The following SPAG9 variants were observed in gnomAD, a reference collection of about 807,000 sequenced individuals.
SPAG9 encodes the protein sperm associated antigen 9.
SPAG9 carries 35 observed loss-of-function variants against 166.5 expected under a neutral mutation model. The ratio of observed to expected loss-of-function variants is 0.21; its 90% CI spans 0.16 to 0.28. The LOEUF is 0.28. Ranked by LOEUF, SPAG9 falls within the 10% of genes least tolerant of loss-of-function variation. The pLI is 1.00. For missense variants in SPAG9, 1,235 were observed against 1,603.3 expected, an observed-to-expected ratio of 0.77 and a Z score of 3.92; for synonymous variants, 534 against 565.5, an observed-to-expected ratio of 0.94 and a Z score of 0.79.
At chr17:51,076,314 T>G (rs1215605941) in intron 2 of SPAG9, among the ~76,000 whole-genome samples, 42 of 151,854 alleles carry the variant, frequency 2.8e-4, no homozygotes, top group Admixed American at 2.8e-3. Flanking sequence ...TCTCAGTTAC[T>G]CAGGAGGCTG....
chr17:51,003,499 C>G (rs1039516425), intron 12 of SPAG9, among the ~76,000 whole-genome samples: 1 of 152,088 alleles, frequency 6.6e-6, no homozygotes, highest in Admixed American at 6.6e-5. Flanking sequence ...TACCTAGTTA[C>G]CAAGGTACTC....
At chr17:50,982,454 T>G in intron 25 of SPAG9, 70 bp downstream of exon 25, 1 of 1,374,610 alleles carries the variant, frequency 7.3e-7, no homozygotes. Flanking sequence ...AAGCTGAAAA[T>G]AATTATAGTC....
At chr17:51,073,253 A>T (rs987968189) in intron 2 of SPAG9, among the ~76,000 whole-genome samples, 43 of 151,652 alleles carry the variant, frequency 2.8e-4, no homozygotes, top group Admixed American at 1.8e-3. Context: ...GCGTGAACCC[A>T]GGAGGCGGAG....
chr17:51,030,806 G>C (rs991432932), intron 6 of SPAG9: 1 of 152,130 alleles, frequency 6.6e-6, no homozygotes, highest in African/African-American at 2.4e-5. Context: ...GTTGATGCTA[G>C]AGGGCTTCCA....
In SPAG9 at chr17:50,974,826, T is replaced by C; in HGVS notation, c.3645A>G (p.Ala1215=). Residue 1215 remains alanine, a synonymous_variant, in exon 28 of 30, where the codon GCA becomes GCG. Transcript: ENST00000262013. ...TFIPYCSMAH[A]QLCFHGHRDA... ...CCCGGTGCCCATGGAAGCAAAGCTG[T>C]GCATGTGCCATTGAACAATAGGGTA... is the stretch of plus-strand genomic sequence containing the variant. 6.2e-7 allele frequency: 1 copy of C among 1,612,120 alleles called. No individual in the cohort carries two copies.
At chr17:51,095,521 C>T (rs796913930) in intron 1 of SPAG9, among the ~76,000 whole-genome samples, 18 of 148,760 alleles carry the variant, frequency 1.2e-4, no homozygotes, top group East Asian at 4.1e-4. Flanking sequence ...CATGGTGGTG[C>T]GCACCTGTAG....
At chr17:50,987,519 CAAAA>C (rs201762375) in intron 21 of SPAG9, among the ~76,000 whole-genome samples, 1 of 119,692 alleles carries the variant, frequency 8.4e-6, no homozygotes, top group African/African-American at 3.1e-5. Flanking sequence ...AACTTTTAGT[CAAAA>C]AAAAAAAAAG....
chr17:51,019,828 G>C (rs2045866743), intron 8 of SPAG9, among the ~76,000 whole-genome samples: 1 of 152,074 alleles, frequency 6.6e-6, no homozygotes, highest in South Asian at 2.1e-4. Flanking sequence ...CTCCAGCCTG[G>C]GCAACAAGAG....
At chr17:51,061,858 C>T (rs914685630) in intron 2 of SPAG9, among the ~76,000 whole-genome samples, 1 of 152,066 alleles carries the variant, frequency 6.6e-6, no homozygotes, top group African/African-American at 2.4e-5. Context: ...ATCAGGGTTA[C>T]TTTTTGCTAA....
chr17:51,111,419 T>C (rs1319829482), intron 1 of SPAG9, among the ~76,000 whole-genome samples: 2 of 152,086 alleles, frequency 1.3e-5, no homozygotes, highest in East Asian at 3.9e-4. Flanking sequence ...GTAAGCAGCA[T>C]GTAGTTAAAG....
intron 21 of SPAG9, 166 bp downstream of exon 21, chr17:50,989,511 G>A (rs1446639744): frequency 1.5e-5 from 10 of 689,090 alleles, no homozygotes; most frequent in East Asian, 1.1e-4. Flanking sequence ...AATATCCAGC[G>A]AGAATGATGG....
At chr17:50,995,271 C>T (rs1399614594) in intron 17 of SPAG9, 47 bp from the exon 18 acceptor site, 2 of 1,555,128 alleles carry the variant, frequency 1.3e-6, no homozygotes, top group Admixed American at 1.9e-5. Flanking sequence ...AAATGTTTAG[C>T]ATTTTCATGT....
At chr17:51,044,439 T>TA (rs746751520) in intron 4 of SPAG9, among the ~76,000 whole-genome samples, 1 of 152,228 alleles carries the variant, frequency 6.6e-6, no homozygotes, top group Non-Finnish European at 1.5e-5. Context: ...CCTACTTCCA[T>TA]ATATCCATTT....
intron 6 of SPAG9, among the ~76,000 whole-genome samples, chr17:51,029,640 G>A (rs190695754): frequency 1.7e-3 from 259 of 152,318 alleles, no homozygotes; most frequent in Non-Finnish European, 2.7e-3. Flanking sequence ...AGGACATTAT[G>A]CTAAATGAAA....
chr17:51,076,982 T>TTATCTAGCTAGCTATC (rs2047988405), intron 2 of SPAG9, among the ~76,000 whole-genome samples: 2 of 99,412 alleles, frequency 2.0e-5, no homozygotes, highest in Admixed American at 1.1e-4. Flanking sequence ...TCTATCTATC[T>TTATCTAGCTAGCTATC]TATCTAGCTA....
chr17:51,071,345 C>T (rs2047814973), intron 2 of SPAG9, among the ~76,000 whole-genome samples: 1 of 152,174 alleles, frequency 6.6e-6, no homozygotes, highest in African/African-American at 2.4e-5. Flanking sequence ...ACACTCCTTA[C>T]ACACTTGAAA....
chr17:51,051,115 G>C (rs966640004), intron 3 of SPAG9, among the ~76,000 whole-genome samples: 3 of 151,890 alleles, frequency 2.0e-5, no homozygotes, highest in Non-Finnish European at 4.4e-5. Flanking sequence ...GGTGTAGTGT[G>C]TTTTTTTGTT....
intron 9 of SPAG9, among the ~76,000 whole-genome samples, chr17:51,010,829 C>G (rs576626745): frequency 6.6e-6 from 1 of 151,830 alleles, no homozygotes; most frequent in Non-Finnish European, 1.5e-5. Flanking sequence ...GTCTAGCATG[C>G]AATTAGGAAA....
intron 1 of SPAG9, among the ~76,000 whole-genome samples, chr17:51,090,096 C>T (rs541866548): frequency 1.3e-5 from 2 of 152,158 alleles, no homozygotes; most frequent in East Asian, 1.9e-4. Flanking sequence ...CACATGCAAA[C>T]GTCTAAAGAT....
Sources: allele counts gnomAD v4.1 joint callset (sites outside exome capture counted in the v4.1 genomes callset), GRCh38; gene constraint gnomAD v4.1.1; transcripts MANE v1.5; gene names NCBI Gene and HGNC (gene_info 2026-07-23, HGNC 2026-07-21).